PARP1: variants seen among roughly 807,000 people sequenced by gnomAD.
PARP1 encodes poly(ADP-ribose) polymerase 1.
A neutral mutation model predicts 118.7 loss-of-function variants in PARP1; 44 were observed. The observed-to-expected ratio is 0.37, with a 90% CI of 0.29 to 0.48. The LOEUF (loss-of-function observed/expected upper bound fraction) is 0.48. PARP1 is among the 20% of genes least tolerant of loss of function. The pLI is 0.99. For missense variants in PARP1, 1,100 were observed against 1,272.4 expected (o/e 0.86, Z 2.06); for synonymous variants, 492 against 483.2 (o/e 1.02, Z -0.24).
intron 14 of PARP1, among the ~76,000 whole-genome samples, chr1:226,373,638 C>A (rs529218146): frequency 1.8e-4 from 28 of 152,194 alleles, no homozygotes; most frequent in Admixed American, 6.5e-5. Context: ...CCACCACCCC[C>A]ACCCCACTGC....
chr1:226,388,481 G>A (rs1288171135), intron 5 of PARP1, among the ~76,000 whole-genome samples, 175 bp downstream of exon 5: 1 of 152,182 alleles, frequency 6.6e-6, no homozygotes, highest in African/African-American at 2.4e-5. Flanking sequence ...AATAAAAATG[G>A]TTTCTTTTGG....
intron 2 of PARP1, among the ~76,000 whole-genome samples, chr1:226,395,002 T>G (rs561962788): frequency 4.3e-4 from 65 of 152,146 alleles, no homozygotes; most frequent in Middle Eastern, 3.4e-3. Context: ...ACTTTTAACA[T>G]GAGAAGAGTA....
intron 8 of PARP1, among the ~76,000 whole-genome samples, chr1:226,381,800 A>G (rs1576396697): frequency 6.6e-6 from 1 of 152,348 alleles, no homozygotes; most frequent in Non-Finnish European, 1.5e-5. Flanking sequence ...CAAACAACAC[A>G]GTGCAGGTGA....
chr1:226,392,914 T>C, intron 2 of PARP1: 1 of 1,565,042 alleles, frequency 6.4e-7, no homozygotes. Flanking sequence ...GAATGTTTCT[T>C]GCCTAAGATT....
chr1:226,395,792 CAGA>C (rs1268211030), intron 2 of PARP1, among the ~76,000 whole-genome samples: 5 of 152,128 alleles, frequency 3.3e-5, no homozygotes, highest in Non-Finnish European at 1.5e-5. Context: ...CGGACGAACC[CAGA>C]AGAACTATGC....
At chr1:226,366,088 G>T in intron 17 of PARP1, 36 bp from the exon 18 acceptor site, 1 of 1,382,516 alleles carries the variant, frequency 7.2e-7, no homozygotes, top group East Asian at 2.3e-5. Context: ...GCACAAAAGA[G>T]ACCCAGGAGA....
rs570384120 is a variant in PARP1 at position 226,397,145 on chromosome 1, C to G, written c.287-4831G>C. Among the ~76,000 whole-genome samples the G allele has an allele frequency of 2.6e-3, 318 of 120,280 alleles. 1 individual carries two copies. The highest frequency in any genetic ancestry group is 0.011 in the African/African-American group (300 of 27,416). 78.9% of individuals were successfully genotyped at this position (120,280 alleles called of 152,430 possible). A position where few individuals can be genotyped will look rare whatever the true frequency, so the allele number is the denominator to read the frequency against. On this transcript the variant is annotated intron_variant, in intron 2 of 22. Coordinates refer to ENST00000366794, the MANE Select transcript of PARP1 (RefSeq NM_001618.4). ...CTTGGGCAACACAGTGAGACTCTGT[C>G]TCTATCTTAAAAAAAAAAAAAAAAA...
At chr1:226,380,347 T>G (rs556462973) in intron 9 of PARP1, among the ~76,000 whole-genome samples, 183 bp from the exon 10 acceptor site, 2 of 152,182 alleles carry the variant, frequency 1.3e-5, no homozygotes, top group Admixed American at 1.3e-4. Flanking sequence ...TTCTAAGGTA[T>G]GATGAGCCAG....
intron 14 of PARP1, among the ~76,000 whole-genome samples, chr1:226,372,756 G>A (rs989709647): frequency 6.6e-6 from 1 of 152,174 alleles, no homozygotes; most frequent in African/African-American, 2.4e-5. Flanking sequence ...GAGAATAGCT[G>A]AGAACGTCTA....
rs780176265 is a variant in PARP1, at chr1:226,383,091, C to T, written c.1104G>A (p.Thr368=). ...GAGCCGAGGCTGTGGAGGGCGGAGGCGTGGCCGCCACGGAGGCGCTGGTTT... is the reference window on the plus strand; with the variant it reads ...GAGCCGAGGCTGTGGAGGGCGGAGGTGTGGCCGCCACGGAGGCGCTGGTTT... ...PPETSASVAA[T]PPPSTASAPA... Residue 368 remains threonine, a synonymous_variant, in exon 8 of 23, where the codon ACG becomes ACA. Transcript: ENST00000366794. The T allele has an allele frequency of 8.7e-6, 14 of 1,612,942 alleles. No individual in the cohort carries two copies. Among genetic ancestry groups the T allele is most frequent in the Non-Finnish European group, 1.0e-5 (12 of 1,179,982 alleles).
rs770815468 is a variant in PARP1 at position 226,361,434 on chromosome 1, G to A, written c.*26C>T. The A allele has an allele frequency of 2.1e-5, 32 of 1,506,028 alleles. No homozygotes were observed. Among genetic ancestry groups the A allele is most frequent in the Admixed American group, 1.2e-4 (7 of 59,850 alleles). The allele number at this position is 1,506,028 out of a possible 1,614,324, so 93.3% of individuals were successfully genotyped here. On this transcript the variant is annotated 3_prime_UTR_variant, in exon 23 of 23. Coordinates refer to ENST00000366794, the MANE Select transcript of PARP1 (RefSeq NM_001618.4). Reference sequence around the variant, plus strand: ...CGGGTGAATTCATACCAGAGCCACCGGGTGTGACTCGGCTACCTCTCCCAA... The same window carrying A: ...CGGGTGAATTCATACCAGAGCCACCAGGTGTGACTCGGCTACCTCTCCCAA...
chr1:226,386,433 C>A lies in PARP1; in HGVS notation c.727G>T (p.Asp243Tyr). 1 of 1,610,218 alleles carries A rather than the reference C, an allele frequency of 6.2e-7. No individual in the cohort carries two copies. Among genetic ancestry groups the A allele is most frequent in the South Asian group, 1.1e-5 (1 of 90,960 alleles). The change falls in exon 6 of 23, where the codon GAC becomes TAC. Residue 243 changes from aspartate (D) to tyrosine (Y), a missense_variant. By Grantham distance (160) the Asp-to-Tyr change is radical. This residue lies in a region of PARP1 where 948 missense variants were observed against 1,031.8 expected (regional missense o/e 0.92). Transcript: ENST00000366794. ...KLEKALKAQNDLIWNIKDELK... is the reference protein window; with the variant it reads ...KLEKALKAQNYLIWNIKDELK... ...TCGTCCTTGATGTTCCAGATCAGGT[C>A]GTTCTGAGCCTATGGACAAGACCCA...
chr1:226,364,035 A>G lies in PARP1; in HGVS notation c.2694T>C (p.Ala898=), dbSNP rs1280625287. Residue 898 remains alanine (A), a synonymous_variant, in exon 20 of 23, where the codon GCT becomes GCC. Coordinates refer to ENST00000366794, the MANE Select transcript of PARP1 (RefSeq NM_001618.4). ...GYMFGKGIYF[A]DMVSKSANYC... ...AGTTGGCACTCTTGGAGACCATGTC[A>G]GCGAAATAGATCCCTTTACCAAACA... is the stretch of plus-strand genomic sequence containing the variant. The G allele has an allele frequency of 6.2e-7, 1 of 1,613,882 alleles. No homozygotes were observed. Among genetic ancestry groups the G allele is most frequent in the East Asian group, 2.2e-5 (1 of 44,900 alleles).
chr1:226,384,633 G>A (rs1195915222), intron 7 of PARP1, among the ~76,000 whole-genome samples: 1 of 152,212 alleles, frequency 6.6e-6, no homozygotes, highest in Non-Finnish European at 1.5e-5. Context: ...ATCAGTCTAA[G>A]ATTTTAAGGG....
At chr1:226,364,585 C>A (rs1003741970) in intron 19 of PARP1, among the ~76,000 whole-genome samples, 2 of 152,212 alleles carry the variant, frequency 1.3e-5, no homozygotes, top group Admixed American at 6.5e-5. Context: ...TCCAGGTGGA[C>A]CCATCTAGAA....
At chr1:226,389,298 G>T (rs536701280) in intron 4 of PARP1, among the ~76,000 whole-genome samples, 1 of 152,302 alleles carries the variant, frequency 6.6e-6, no homozygotes, top group East Asian at 1.9e-4. Flanking sequence ...AGTCAAAGCA[G>T]TGCTAACCAG....
At chr1:226,398,296 AAAAC>A (rs1158745392) in intron 2 of PARP1, among the ~76,000 whole-genome samples, 11 of 152,356 alleles carry the variant, frequency 7.2e-5, no homozygotes, top group African/African-American at 2.4e-4. Flanking sequence ...CAACAGTAAG[AAAAC>A]AAACAATGTG....
intron 2 of PARP1, 124 bp from the exon 3 acceptor site, chr1:226,392,438 C>T: frequency 4.0e-6 from 3 of 755,116 alleles, no homozygotes; most frequent in South Asian, 1.4e-5. Flanking sequence ...TGGGAGACTA[C>T]GATTGGTCCA....
In PARP1 at chr1:226,366,348, C is replaced by T. The variant is rs149160310; in HGVS notation, c.2407-296G>A. 1,128 of 388,346 alleles carry T rather than the reference C, an allele frequency of 2.9e-3. 7 individuals carry two copies. Among genetic ancestry groups the T allele is most frequent in the African/African-American group, 0.022 (1,062 of 48,292 alleles). 24.1% of individuals were successfully genotyped at this position (388,346 alleles called of 1,614,324 possible). On this transcript the variant is annotated intron_variant, in intron 17 of 22. Coordinates refer to ENST00000366794, the MANE Select transcript of PARP1 (RefSeq NM_001618.4). ...GAAGCTAGAATGTGGGATTCACTGT[C>T]AGTGAACAGGGCATCTCCAGAACAA...
Sources: gnomAD v4.1 joint callset for allele counts (sites outside exome capture counted in the v4.1 genomes callset) on GRCh38, gnomAD v4.1.1 for gene constraint, gnomAD v4.1.1 regional missense constraint, MANE v1.5 for transcripts, NCBI Gene and HGNC (gene_info 2026-07-23, HGNC 2026-07-21) for gene names.